The following LOC400499 variants were observed in gnomAD, a reference collection of about 807,000 sequenced individuals.
chr16:11,375,212 T>A, the LOC400499 span, among the ~76,000 whole-genome samples: 1 of 144,014 alleles, frequency 6.9e-6, no homozygotes, highest in African/African-American at 2.7e-5. Flanking sequence ...ATACTCCCCG[T>A]AAGAATACAC....
At chr16:11,523,868 T>G in the LOC400499 span, among the ~76,000 whole-genome samples, 1 of 140,198 alleles carries the variant, frequency 7.1e-6, no homozygotes, top group East Asian at 2.2e-4. Context: ...TCCACCCACC[T>G]GCTCCCTGCT....
chr16:11,377,505 T>C, the LOC400499 span, among the ~76,000 whole-genome samples: 1 of 152,236 alleles, frequency 6.6e-6, no homozygotes, highest in Non-Finnish European at 1.5e-5. Flanking sequence ...AGTCTGTATG[T>C]TTTTAATCAC....
the LOC400499 span, chr16:11,390,461 G>T: frequency 8.1e-7 from 1 of 1,242,158 alleles, no homozygotes; most frequent in Non-Finnish European, 1.0e-6. Context: ...GTGGCCAGGG[G>T]CCCTGCAACA....
At chr16:11,436,334 G>C in the LOC400499 span, among the ~76,000 whole-genome samples, 3 of 152,178 alleles carry the variant, frequency 2.0e-5, no homozygotes, top group Non-Finnish European at 4.4e-5. Flanking sequence ...GGTTCAAAGA[G>C]GATGGCATCT....
chr16:11,456,386 G>A, the LOC400499 span, among the ~76,000 whole-genome samples: 26 of 151,706 alleles, frequency 1.7e-4, no homozygotes, highest in African/African-American at 5.6e-4. Flanking sequence ...CAGTGTTTTC[G>A]AGACACAAAG....
the LOC400499 span, among the ~76,000 whole-genome samples, chr16:11,405,189 G>C: frequency 6.6e-6 from 1 of 152,192 alleles, no homozygotes; most frequent in African/African-American, 2.4e-5. Context: ...ATGGAGGCCA[G>C]AAAGTGTCAA....
chr16:11,513,836 C>A, the LOC400499 span, among the ~76,000 whole-genome samples: 1 of 152,150 alleles, frequency 6.6e-6, no homozygotes, highest in Non-Finnish European at 1.5e-5. Context: ...AACTGGCCCA[C>A]AGTAAATCCT....
chr16:11,380,031 C>T, the LOC400499 span, among the ~76,000 whole-genome samples: 1 of 152,106 alleles, frequency 6.6e-6, no homozygotes, highest in Non-Finnish European at 1.5e-5. Context: ...TATCACAGCT[C>T]AATGTAACCT....
the LOC400499 span, among the ~76,000 whole-genome samples, chr16:11,520,934 C>T: frequency 6.6e-6 from 1 of 152,156 alleles, no homozygotes; most frequent in Non-Finnish European, 1.5e-5. Context: ...TCCTTGCCAA[C>T]ATTTGACATT....
At chr16:11,456,752 G>T in the LOC400499 span, 2 of 1,341,868 alleles carry the variant, frequency 1.5e-6, no homozygotes, top group Non-Finnish European at 2.1e-6. Context: ...AGTTAGCCTA[G>T]CCAACAAAAG....
chr16:11,470,091 T>C, the LOC400499 span, among the ~76,000 whole-genome samples: 4 of 152,194 alleles, frequency 2.6e-5, no homozygotes, highest in African/African-American at 9.6e-5. Flanking sequence ...GTTGTTATTT[T>C]TGGTAGAGAT....
the LOC400499 span, chr16:11,372,594 G>T: frequency 3.8e-6 from 1 of 261,236 alleles, no homozygotes; most frequent in Non-Finnish European, 6.0e-6. Context: ...TTTGCAGCAC[G>T]TGCGGTTCTG....
chr16:11,454,137 G>A, the LOC400499 span, among the ~76,000 whole-genome samples: 1 of 152,202 alleles, frequency 6.6e-6, no homozygotes, highest in Non-Finnish European at 1.5e-5. Flanking sequence ...TGATAAATCA[G>A]AAGAAGCATC....
chr16:11,425,346 C>A, the LOC400499 span: 1 of 399,264 alleles, frequency 2.5e-6, no homozygotes, highest in South Asian at 1.3e-4. Flanking sequence ...GGTCACGCTG[C>A]GCACGCTGGT....
the LOC400499 span, chr16:11,488,720 G>A: frequency 3.3e-5 from 13 of 398,994 alleles, no homozygotes; most frequent in Middle Eastern, 1.9e-3. Flanking sequence ...TGATCGGAAG[G>A]TGACATCAGA....
At chr16:11,376,548 C>A in the LOC400499 span, among the ~76,000 whole-genome samples, 6 of 152,286 alleles carry the variant, frequency 3.9e-5, no homozygotes, top group African/African-American at 1.4e-4. Context: ...TTCCACTGGT[C>A]TGTATGTATG....
the LOC400499 span, among the ~76,000 whole-genome samples, chr16:11,519,930 A>C: frequency 6.6e-6 from 1 of 152,138 alleles, no homozygotes; most frequent in South Asian, 2.1e-4. Context: ...CTCGAACTCC[A>C]GACCTCAGGT....
At chr16:11,438,662 G>A in the LOC400499 span, among the ~76,000 whole-genome samples, 1 of 150,232 alleles carries the variant, frequency 6.7e-6, no homozygotes, top group Non-Finnish European at 1.5e-5. Flanking sequence ...TGTGGCAGGT[G>A]CCTGTGGTAC....
At chr16:11,412,465 C>A in the LOC400499 span, among the ~76,000 whole-genome samples, 2 of 152,218 alleles carry the variant, frequency 1.3e-5, no homozygotes, top group South Asian at 2.1e-4. Flanking sequence ...TTACTCACCC[C>A]CTCCCTCACT....
Sources: gnomAD v4.1 joint callset for allele counts (sites outside exome capture counted in the v4.1 genomes callset) on GRCh38, gnomAD v4.1.1 for gene constraint, MANE v1.5 for transcripts.